RNASEH1: variants seen among roughly 807,000 people sequenced by gnomAD.
The protein encoded by RNASEH1 is ribonuclease H1, also known as ribonuclease H type II.
RNASEH1 carries 27 observed loss-of-function variants against 34.6 expected under a neutral mutation model. The ratio of observed to expected loss-of-function variants is 0.78; its 90% CI spans 0.58 to 1.08. The LOEUF is 1.08. Among genes scored for constraint, RNASEH1 ranks in the 50% least tolerant of loss-of-function variants. The pLI, the probability that RNASEH1 is intolerant of heterozygous loss-of-function variation, is 0.00. For synonymous variants in RNASEH1, 162 were observed against 138.4 expected (o/e 1.17, Z -1.20); for missense variants, 349 against 373.6 (o/e 0.93, Z 0.54).
chr2:3,556,717 G>A, intron 2 of RNASEH1, 72 bp downstream of exon 2: 2 of 990,666 alleles, frequency 2.0e-6, no homozygotes, highest in Non-Finnish European at 3.2e-6. Flanking sequence ...TAGCTATATA[G>A]ATCAAATGCC....
chr2:3,556,788 C>A lies in RNASEH1; in HGVS notation c.244+1G>T. On this transcript the variant is annotated splice_donor_variant, in intron 2 of 7. Transcript: ENST00000315212. LOFTEE classifies it high-confidence loss of function. ...GTCACACTGATATGAGAGGTGACTA[C>A]CTTCTGAAACTTCCGGGCTTGCAGA... 6.2e-7 allele frequency: 1 copy of A among 1,604,136 alleles called. No individual in the cohort carries two copies. The highest frequency in any genetic ancestry group is 1.1e-5 in the South Asian group (1 of 90,880).
Position 3,558,291 on chromosome 2 carries a change from A to C in RNASEH1, c.-31T>G. On this transcript the variant is annotated 5_prime_UTR_variant, in exon 1 of 8. Coordinates refer to ENST00000315212, the MANE Select transcript of RNASEH1 (RefSeq NM_002936.6). ...ACTCCCGGCACCGGGAAGCATTTCG[A>C]CTCCCGGCCCAGCGTGGGCGCGAGC... is the stretch of plus-strand genomic sequence containing the variant. 2 of 1,511,684 alleles carry C rather than the reference A, an allele frequency of 1.3e-6. No individual in the cohort carries two copies. Among genetic ancestry groups the C allele is most frequent in the Admixed American group, 2.3e-5 (1 of 42,892 alleles). The allele number at this position is 1,511,684 out of a possible 1,614,324, so 93.6% of individuals were successfully genotyped here. A position where few individuals can be genotyped will look rare whatever the true frequency, so the allele number is the denominator to read the frequency against.
At chr2:3,554,317 T>C (rs961444425) in intron 2 of RNASEH1, among the ~76,000 whole-genome samples, 1 of 152,224 alleles carries the variant, frequency 6.6e-6, no homozygotes, top group Non-Finnish European at 1.5e-5. Context: ...ATATAAACAC[T>C]GGTTTTACTT....
At chr2:3,549,532 G>T (rs1288711945) in intron 4 of RNASEH1, among the ~76,000 whole-genome samples, 2 of 152,212 alleles carry the variant, frequency 1.3e-5, no homozygotes, top group Non-Finnish European at 2.9e-5. Flanking sequence ...GTCACCAGGA[G>T]ATCCAGAGTT....
chr2:3,557,010 G>C, intron 1 of RNASEH1, 106 bp from the exon 2 acceptor site: 1 of 798,230 alleles, frequency 1.3e-6, no homozygotes, highest in Non-Finnish European at 2.1e-6. Context: ...GTATCTGAGG[G>C]AGACTGATTC....
chr2:3,537,507 G>A (rs947066861), downstream of RNASEH1, among the ~76,000 whole-genome samples: 1 of 152,146 alleles, frequency 6.6e-6, no homozygotes, highest in Non-Finnish European at 1.5e-5. Context: ...AGAATTGCTT[G>A]AGCCCAGAAG....
At chr2:3,549,237 C>A in intron 4 of RNASEH1, 125 bp from the exon 5 acceptor site, 1 of 828,066 alleles carries the variant, frequency 1.2e-6, no homozygotes, top group South Asian at 1.5e-5. Context: ...ATATAAAAAT[C>A]AAACTAACAG....
At chr2:3,532,363 CAG>C in the RNASEH1 span, 1 of 702,110 alleles carries the variant, frequency 1.4e-6, no homozygotes, top group East Asian at 2.7e-5. Flanking sequence ...AGGTGCCAGC[CAG>C]AGAGGGCCCG....
At chr2:3,549,658 G>A (rs1669090931) in intron 4 of RNASEH1, among the ~76,000 whole-genome samples, 1 of 152,000 alleles carries the variant, frequency 6.6e-6, no homozygotes, top group Non-Finnish European at 1.5e-5. Context: ...AGCCCAGCCT[G>A]GGCAACATAG....
rs149630835 is a variant in RNASEH1, at chr2:3,554,594, G to C, written c.244+2195C>G. 3.8e-3 allele frequency among the ~76,000 whole-genome samples: 586 copies of C among 152,304 alleles called. 5 individuals carry two copies. The highest frequency in any genetic ancestry group is 0.013 in the African/African-American group (558 of 41,576). On this transcript the variant is annotated intron_variant, in intron 2 of 7. Transcript: ENST00000315212. Reference sequence around the variant, plus strand: ...AGGCACTAAATCTCAATTTATAGACGTAAGTCACTGACTAGGAGGTCTCTA... The same window carrying C: ...AGGCACTAAATCTCAATTTATAGACCTAAGTCACTGACTAGGAGGTCTCTA...
intron 1 of RNASEH1, 66 bp downstream of exon 1, chr2:3,558,067 G>A: frequency 1.3e-6 from 2 of 1,508,638 alleles, no homozygotes; most frequent in Non-Finnish European, 1.8e-6. Flanking sequence ...GCCGGGGTTA[G>A]CCGGGCTCCG....
rs149542713 is a variant in RNASEH1, at chr2:3,543,218, C to T, written c.*2567G>A. ...AGTCAGTCTGGCCATGTACATGTGTCTTTCCCTTCCTGTGGCTATAAATAA... is the reference window on the plus strand; with the variant it reads ...AGTCAGTCTGGCCATGTACATGTGTTTTTCCCTTCCTGTGGCTATAAATAA... On this transcript the variant is annotated 3_prime_UTR_variant, in exon 8 of 8. Coordinates refer to ENST00000315212, the MANE Select transcript of RNASEH1 (RefSeq NM_002936.6). Among the ~76,000 whole-genome samples the T allele has an allele frequency of 5.9e-5, 9 of 152,328 alleles. No individual in the cohort carries two copies. The highest frequency in any genetic ancestry group is 1.9e-4 in the African/African-American group (8 of 41,578).
At chr2:3,533,420 G>A in the RNASEH1 span, 2 of 152,328 alleles carry the variant, frequency 1.3e-5, no homozygotes, top group Non-Finnish European at 2.9e-5. Context: ...AACTCCCTGT[G>A]TGAAGGCACT....
the RNASEH1 span, among the ~76,000 whole-genome samples, chr2:3,534,979 A>G: frequency 6.6e-6 from 1 of 152,224 alleles, no homozygotes; most frequent in Admixed American, 6.5e-5. Context: ...TGGAAAGCAG[A>G]ACAGTGCTGC....
downstream of RNASEH1, among the ~76,000 whole-genome samples, chr2:3,537,332 G>A (rs1014052343): frequency 5.3e-5 from 8 of 152,230 alleles, no homozygotes; most frequent in Middle Eastern, 3.4e-3. Flanking sequence ...CCACAGCACC[G>A]ATGCCCTTTA....
chr2:3,558,138 C>G lies in RNASEH1; in HGVS notation c.123G>C (p.Leu41=). ...TCGGCGGGCGGGCCACTCACCAGGT[C>G]AGAAAGACCCCGGTCTTGCGGCCCC... ...VRRGRKTGVF[L]TWNECRAQVD... Residue 41 remains leucine, a synonymous_variant, in exon 1 of 8, where the codon CTG becomes CTC. Coordinates refer to ENST00000315212, the MANE Select transcript of RNASEH1 (RefSeq NM_002936.6). The G allele has an allele frequency of 6.3e-7, 1 of 1,598,196 alleles. No homozygotes were observed. Among genetic ancestry groups the G allele is most frequent in the Non-Finnish European group, 8.5e-7 (1 of 1,174,454 alleles).
downstream of RNASEH1, among the ~76,000 whole-genome samples, chr2:3,539,340 G>C (rs1668165208): frequency 6.6e-6 from 1 of 152,124 alleles, no homozygotes; most frequent in African/African-American, 2.4e-5. Context: ...ATTCATATTT[G>C]TCTTTGTCCA....
In RNASEH1 at chr2:3,557,857, G is replaced by A. The variant is rs574840637; in HGVS notation, c.128+276C>T. The A allele has an allele frequency of 8.3e-6, 12 of 1,447,830 alleles. No homozygotes were observed. The African/African-American group carries it at 1.6e-4, about 19-fold the overall frequency. 89.7% of individuals were successfully genotyped at this position (1,447,830 alleles called of 1,614,324 possible). ...GTTGCACTTTAACTGCAACAAAGAT[G>A]GAGGATTAAACACAGGGTTTATTAG... On this transcript the variant is annotated intron_variant, in intron 1 of 7. Transcript: ENST00000315212.
At chr2:3,557,700 A>T (rs577394486) in intron 1 of RNASEH1, 106 of 452,846 alleles carry the variant, frequency 2.3e-4, no homozygotes, top group Non-Finnish European at 3.8e-4. Flanking sequence ...CAAGGATCCA[A>T]CTGCAAATAC....
Sources: gnomAD v4.1 joint callset for allele counts (sites outside exome capture counted in the v4.1 genomes callset) on GRCh38, gnomAD v4.1.1 for gene constraint, MANE v1.5 for transcripts, NCBI Gene and HGNC (gene_info 2026-07-23, HGNC 2026-07-21) for gene names.